Variants in SLC38A11 observed in about 807,000 individuals in gnomAD.
SLC38A11 encodes the protein putative sodium-coupled neutral amino acid transporter 11.
Under a neutral mutation model 49.4 loss-of-function variants are expected in SLC38A11, and 51 were observed. That is an observed-to-expected ratio of 1.03 (90% CI 0.83 to 1.30). The LOEUF (loss-of-function observed/expected upper bound fraction) is 1.30. SLC38A11 is among the 50% of genes most tolerant of loss of function. The probability of loss-of-function intolerance (pLI) is 0.00; values close to 1 mark genes in which losing one functional copy is unlikely to be tolerated. For missense variants in SLC38A11, 574 were observed against 556.2 expected, an observed-to-expected ratio of 1.03 and a Z score of -0.32; for synonymous variants, 203 against 192.9, an observed-to-expected ratio of 1.05 and a Z score of -0.43.
intron 7 of SLC38A11, among the ~76,000 whole-genome samples, chr2:164,936,298 CT>C (rs781595171): frequency 2.0e-5 from 3 of 151,672 alleles, no homozygotes; most frequent in East Asian, 1.9e-4. Context: ...AGCTTGAGGC[CT>C]TTTTTTTGGT....
chr2:164,932,473 A>G lies in SLC38A11; in HGVS notation c.617+4877T>C, dbSNP rs146270676. ...AACATGTAAATGGTCACAATAGCAA[A>G]GACATGGAATCAACCTAAATGTCCA... On this transcript the variant is annotated intron_variant, in intron 7 of 11. Transcript: ENST00000685975. 2.0e-5 allele frequency among the ~76,000 whole-genome samples: 3 copies of G among 152,196 alleles called. No individual in the cohort carries two copies. In the East Asian group the frequency reaches 5.8e-4, roughly 29 times the overall value.
intron 11 of SLC38A11, among the ~76,000 whole-genome samples, chr2:164,901,058 T>C (rs1333587259): frequency 1.3e-5 from 2 of 152,100 alleles, no homozygotes; most frequent in African/African-American, 4.8e-5. Flanking sequence ...TTGAAGACTA[T>C]CCTTTCCCCA....
intron 10 of SLC38A11, among the ~76,000 whole-genome samples, chr2:164,910,709 A>G (rs1339052600): frequency 6.6e-6 from 1 of 152,112 alleles, no homozygotes; most frequent in Non-Finnish European, 1.5e-5. Flanking sequence ...CACTTATCTC[A>G]TTAGACCCTT....
At chr2:164,917,365 T>G (rs1224378365) in intron 7 of SLC38A11, among the ~76,000 whole-genome samples, 1 of 152,128 alleles carries the variant, frequency 6.6e-6, no homozygotes, top group African/African-American at 2.4e-5. Flanking sequence ...TCATCCTTTT[T>G]CCCATATATG....
intron 5 of SLC38A11, among the ~76,000 whole-genome samples, chr2:164,940,962 G>A (rs911958847): frequency 5.9e-5 from 9 of 151,946 alleles, no homozygotes; most frequent in Non-Finnish European, 1.3e-4. Context: ...CAAATTATTT[G>A]TGTATCTATT....
At chr2:164,940,227 T>G (rs1311226959) in intron 5 of SLC38A11, among the ~76,000 whole-genome samples, 3 of 30,318 alleles carry the variant, frequency 9.9e-5, no homozygotes, top group African/African-American at 1.8e-4. Flanking sequence ...AATAGAAAAT[T>G]TTATATATAT....
intron 7 of SLC38A11, among the ~76,000 whole-genome samples, chr2:164,916,258 C>T (rs1685779019): frequency 6.6e-6 from 1 of 152,038 alleles, no homozygotes. Context: ...TTTATTTGCT[C>T]ATCAATTTAA....
chr2:164,909,447 G>A (rs926420564), intron 10 of SLC38A11, among the ~76,000 whole-genome samples: 9 of 151,308 alleles, frequency 5.9e-5, no homozygotes, highest in African/African-American at 9.7e-5. Context: ...GGCATACAAC[G>A]AAACTTAAAA....
In SLC38A11 at chr2:164,894,887, T is replaced by C. The variant is rs1336153231; in HGVS notation, c.*3550A>G. Among the ~76,000 whole-genome samples, 1 of 152,182 alleles carries C rather than the reference T, an allele frequency of 6.6e-6. No homozygotes were observed. The highest frequency in any genetic ancestry group is 1.5e-5 in the Non-Finnish European group (1 of 68,028). ...TCTTCCCTGAGATCTAGCATGGTAT[T>C]CCTACATCTTGCTTGTATTGTGTCC... is the stretch of plus-strand genomic sequence containing the variant. On this transcript the variant is annotated 3_prime_UTR_variant, in exon 12 of 12. Transcript: ENST00000685975.
intron 11 of SLC38A11, among the ~76,000 whole-genome samples, chr2:164,899,043 T>G (rs1684485389): frequency 6.6e-6 from 1 of 152,168 alleles, no homozygotes; most frequent in Non-Finnish European, 1.5e-5. Context: ...TCTTGAAATT[T>G]CCTGTATTTT....
At chr2:164,937,967 C>T (rs1840329) in intron 6 of SLC38A11, among the ~76,000 whole-genome samples, 10,439 of 151,664 alleles carry the variant, frequency 0.069, 392 homozygotes, top group Admixed American at 0.1. Flanking sequence ...CTTTGGTCTG[C>T]GTTCCTAGGC....
At chr2:164,922,764 TA>T (rs1686300712) in intron 7 of SLC38A11, among the ~76,000 whole-genome samples, 1 of 152,090 alleles carries the variant, frequency 6.6e-6, no homozygotes, top group South Asian at 2.1e-4. Context: ...CCCCATTAGC[TA>T]AAACAACCCT....
intron 1 of SLC38A11, 128 bp from the exon 2 acceptor site, chr2:164,954,873 TA>T: frequency 1.8e-6 from 1 of 562,792 alleles, no homozygotes; most frequent in Non-Finnish European, 3.2e-6. Flanking sequence ...GAAAATAAAA[TA>T]AATGCCGGGA....
At chr2:164,954,050 G>A (rs533789843) in intron 2 of SLC38A11, among the ~76,000 whole-genome samples, 246 of 151,856 alleles carry the variant, frequency 1.6e-3, no homozygotes, top group Non-Finnish European at 2.8e-3. Flanking sequence ...AAAATAATAC[G>A]CATTTTCAAT....
chr2:164,944,505 T>C (rs934108379), intron 5 of SLC38A11, 64 bp downstream of exon 5: 24 of 678,648 alleles, frequency 3.5e-5, no homozygotes, highest in Non-Finnish European at 4.5e-5. Context: ...ATGAACCATG[T>C]TAACTATAAA....
At chr2:164,900,663 A>G (rs1377766309) in intron 11 of SLC38A11, among the ~76,000 whole-genome samples, 1 of 151,910 alleles carries the variant, frequency 6.6e-6, no homozygotes, top group Non-Finnish European at 1.5e-5. Context: ...TTTTTCTGCT[A>G]TTGAGTTATT....
At chr2:164,921,255 G>A (rs1487314311) in intron 7 of SLC38A11, among the ~76,000 whole-genome samples, 1 of 152,050 alleles carries the variant, frequency 6.6e-6, no homozygotes, top group African/African-American at 2.4e-5. Context: ...GTTTTGGTAG[G>A]AGGCTACTCT....
At chr2:164,952,644 G>A (rs1270641346) in intron 3 of SLC38A11, 63 bp downstream of exon 3, 10 of 957,260 alleles carry the variant, frequency 1.0e-5, no homozygotes, top group African/African-American at 3.2e-5. Context: ...GTGTGTGTGT[G>A]TGTATGTGTG....
intron 3 of SLC38A11, among the ~76,000 whole-genome samples, chr2:164,947,430 C>A (rs1187025506): frequency 6.6e-6 from 1 of 152,068 alleles, no homozygotes; most frequent in African/African-American, 2.4e-5. Flanking sequence ...CCGCGCCTGG[C>A]CTTTTTTCTC....
Sources: allele counts gnomAD v4.1 joint callset (sites outside exome capture counted in the v4.1 genomes callset), GRCh38; gene constraint gnomAD v4.1.1; transcripts MANE v1.5; gene names NCBI Gene and HGNC (gene_info 2026-07-23, HGNC 2026-07-21).